The following PATJ variants were observed in gnomAD, a reference collection of about 807,000 sequenced individuals.
PATJ encodes PATJ crumbs cell polarity complex component.
PATJ carries 190 observed loss-of-function variants against 224.9 expected under a neutral mutation model. The observed-to-expected ratio is 0.84, with a 90% CI of 0.75 to 0.95. PATJ has a LOEUF of 0.95. Among genes scored for constraint, PATJ ranks in the 40% least tolerant of loss-of-function variants. The pLI is 0.00. For missense variants in PATJ, 2,121 were observed against 2,270.3 expected (o/e 0.93, Z 1.34); for synonymous variants, 769 against 820.3 (o/e 0.94, Z 1.07).
At chr1:61,780,104 A>G (rs1647165284) in intron 7 of PATJ, among the ~76,000 whole-genome samples, 2 of 152,204 alleles carry the variant, frequency 1.3e-5, no homozygotes, top group Non-Finnish European at 2.9e-5. Context: ...TGGGGGGGAC[A>G]AACATCCAAA....
At chr1:61,864,805 T>C (rs1665150885) in intron 20 of PATJ, among the ~76,000 whole-genome samples, 172 bp downstream of exon 20, 1 of 152,238 alleles carries the variant, frequency 6.6e-6, no homozygotes, top group Non-Finnish European at 1.5e-5. Flanking sequence ...AGCTCGTCTT[T>C]TCTGTATTTC....
At chr1:61,987,396 T>C (rs1218686937) in intron 27 of PATJ, among the ~76,000 whole-genome samples, 1 of 148,994 alleles carries the variant, frequency 6.7e-6, no homozygotes, top group Non-Finnish European at 1.5e-5. Flanking sequence ...GTTATCAACA[T>C]CTTTTTTTTT....
At chr1:61,877,258 C>CTTT (rs11405663) in intron 21 of PATJ, among the ~76,000 whole-genome samples, 1 of 147,374 alleles carries the variant, frequency 6.8e-6, no homozygotes, top group Non-Finnish European at 1.5e-5. Flanking sequence ...CAGTTCATTA[C>CTTT]TTTTTTTTTT....
intron 30 of PATJ, among the ~76,000 whole-genome samples, chr1:62,044,057 A>G (rs1053494647): frequency 6.6e-6 from 1 of 152,238 alleles, no homozygotes; most frequent in African/African-American, 2.4e-5. Context: ...TGTATGTTGT[A>G]GAATGGCTAA....
chr1:61,983,767 G>A (rs1430295497), intron 27 of PATJ, among the ~76,000 whole-genome samples: 1 of 152,048 alleles, frequency 6.6e-6, no homozygotes, highest in African/African-American at 2.4e-5. Flanking sequence ...TATTCTAGGG[G>A]AGGGAAGTCG....
At chr1:61,750,736 G>A (rs1645278579) in intron 1 of PATJ, among the ~76,000 whole-genome samples, 1 of 151,966 alleles carries the variant, frequency 6.6e-6, no homozygotes, top group South Asian at 2.1e-4. Flanking sequence ...CACCACGCCC[G>A]ACCCATTTTT....
rs55761910 is a variant in PATJ at position 62,036,871 on chromosome 1, C to CAAAAAAAAAAAAAAAA, written c.3960-1096_3960-1095insAAAAAAAAAAAAAAAA. On this transcript the variant is annotated intron_variant, in intron 29 of 43. Coordinates refer to ENST00000642238, the MANE Select transcript of PATJ (RefSeq NM_001350145.3). ...TTGGTGACAAAGTGAGACTCCATCTCAAAAAAAAAAGAAGGAAGAAAGGAA... is the reference window on the plus strand; with the variant it reads ...TTGGTGACAAAGTGAGACTCCATCTCAAAAAAAAAAAAAAAAAAAAAAAAAAGAAGGAAGAAAGGAA... 3.3e-3 allele frequency among the ~76,000 whole-genome samples: 220 copies of CAAAAAAAAAAAAAAAA among 66,796 alleles called. 7 individuals carry two copies. Among genetic ancestry groups the CAAAAAAAAAAAAAAAA allele is most frequent in the East Asian group, 0.032 (59 of 1,870 alleles). 43.8% of individuals were successfully genotyped at this position (66,796 alleles called of 152,430 possible). A position where few individuals can be genotyped will look rare whatever the true frequency, so the allele number is the denominator to read the frequency against.
At position 62,072,238 on chromosome 1, in the gene PATJ, G is replaced by A. The variant is rs1170255294; in HGVS notation, c.4126-7212G>A. On this transcript the variant is annotated intron_variant, in intron 31 of 43. Transcript: ENST00000642238. ...GTCTGGATTCTGCACTCCTCCGTGG[G>A]GTTTAGAGCTAACTTACCTTTATCC... Among the ~76,000 whole-genome samples, 4 of 152,068 alleles carry A rather than the reference G, an allele frequency of 2.6e-5. No individual in the cohort carries two copies. The East Asian group carries it at 7.7e-4, about 29-fold the overall frequency.
At chr1:62,134,330 C>CTTTTTTTTTTTTTTT (rs779235130) in intron 41 of PATJ, among the ~76,000 whole-genome samples, 3 of 96,516 alleles carry the variant, frequency 3.1e-5, no homozygotes, top group African/African-American at 4.3e-5. Flanking sequence ...CCAGCCCTCT[C>CTTTTTTTTTTTTTTT]TTTTTTTTTT....
chr1:62,148,203 A>C (rs1668263238), intron 41 of PATJ, 81 bp from the exon 42 acceptor site: 3 of 864,594 alleles, frequency 3.5e-6, no homozygotes, highest in Non-Finnish European at 5.9e-6. Context: ...TAGGATTGAG[A>C]ACTGACCCTT....
intron 12 of PATJ, 27 bp downstream of exon 12, chr1:61,801,796 TA>T: frequency 6.8e-7 from 1 of 1,463,902 alleles, no homozygotes; most frequent in Non-Finnish European, 9.1e-7. Context: ...CACTTTGCGA[TA>T]ACAGACTTCT....
chr1:61,851,024 C>T (rs1662730392), intron 17 of PATJ, among the ~76,000 whole-genome samples: 1 of 152,156 alleles, frequency 6.6e-6, no homozygotes, highest in African/African-American at 2.4e-5. Flanking sequence ...TCAGTGCCTT[C>T]TCCATGACAA....
chr1:62,073,172 T>C, intron 31 of PATJ: 1 of 985,122 alleles, frequency 1.0e-6, no homozygotes, highest in African/African-American at 1.7e-5. Flanking sequence ...GAAAAGGAGG[T>C]GATTGCAATG....
At chr1:62,115,412 C>T (rs1558189566) in intron 35 of PATJ, among the ~76,000 whole-genome samples, 1 of 151,822 alleles carries the variant, frequency 6.6e-6, no homozygotes, top group Non-Finnish European at 1.5e-5. Context: ...TTGGGAGGAT[C>T]GCTTGAGGTG....
chr1:62,020,229 C>T (rs981490985), intron 29 of PATJ, among the ~76,000 whole-genome samples: 2 of 152,108 alleles, frequency 1.3e-5, no homozygotes, highest in African/African-American at 2.4e-5. Context: ...ACAGTATCAG[C>T]ATCTGCACAT....
intron 38 of PATJ, among the ~76,000 whole-genome samples, chr1:62,121,734 A>T (rs1665078106): frequency 6.6e-6 from 1 of 151,742 alleles, no homozygotes; most frequent in Admixed American, 6.6e-5. Flanking sequence ...AGATCGTGCC[A>T]CTGCACTCCA....
At chr1:61,786,823 T>C (rs1648643171) in intron 7 of PATJ, among the ~76,000 whole-genome samples, 1 of 151,972 alleles carries the variant, frequency 6.6e-6, no homozygotes, top group South Asian at 2.1e-4. Context: ...CCATCTCTAC[T>C]AAAAATACAA....
At chr1:62,151,713 A>G (rs1410894657) in intron 42 of PATJ, among the ~76,000 whole-genome samples, 2 of 152,232 alleles carry the variant, frequency 1.3e-5, no homozygotes, top group East Asian at 1.9e-4. Flanking sequence ...CTCTAAGTAC[A>G]TGAATGGCTG....
At chr1:62,141,836 G>A (rs1667537323) in intron 41 of PATJ, among the ~76,000 whole-genome samples, 1 of 152,036 alleles carries the variant, frequency 6.6e-6, no homozygotes, top group Non-Finnish European at 1.5e-5. Context: ...TGGGCGTGGT[G>A]ACACACACCT....
Sources: allele counts gnomAD v4.1 joint callset (sites outside exome capture counted in the v4.1 genomes callset), GRCh38; gene constraint gnomAD v4.1.1; transcripts MANE v1.5; gene names NCBI Gene and HGNC (gene_info 2026-07-23, HGNC 2026-07-21).